Variants in NEBL observed in about 807,000 individuals in gnomAD.
NEBL encodes LIM and SH3 protein 2.
Under a neutral mutation model 140.2 loss-of-function variants are expected in NEBL, and 122 were observed. That is an observed-to-expected ratio of 0.87 (90% CI 0.75 to 1.01). The LOEUF is 1.01. Ranked by LOEUF, NEBL falls within the 50% of genes least tolerant of loss-of-function variation. NEBL has a pLI of 0.00. For synonymous variants in NEBL, 436 were observed against 398.9 expected (o/e 1.09, Z -1.11); for missense variants, 1,365 against 1,231.3 (o/e 1.11, Z -1.62).
intron 3 of NEBL, among the ~76,000 whole-genome samples, chr10:21,018,373 T>G (rs2131763653): frequency 6.6e-6 from 1 of 152,252 alleles, no homozygotes; most frequent in African/African-American, 2.4e-5. Context: ...AAAGGCACAT[T>G]GGATATGCAC....
chr10:20,911,633 T>C (rs774351046), intron 4 of NEBL, among the ~76,000 whole-genome samples: 2 of 152,152 alleles, frequency 1.3e-5, no homozygotes, highest in Non-Finnish European at 2.9e-5. Flanking sequence ...CAAGTACATA[T>C]AAATAAGAAA....
chr10:21,260,638 C>A (rs968478317), intron 1 of NEBL, among the ~76,000 whole-genome samples: 1 of 152,122 alleles, frequency 6.6e-6, no homozygotes, highest in African/African-American at 2.4e-5. Context: ...TCCGTTAAAA[C>A]CCATGATGAA....
intron 2 of NEBL, among the ~76,000 whole-genome samples, chr10:21,063,675 C>T (rs2131885589): frequency 6.6e-6 from 1 of 152,154 alleles, no homozygotes; most frequent in African/African-American, 2.4e-5. Context: ...AGGCAGATCT[C>T]TTGAGTTGAG....
chr10:21,121,065 C>T (rs1227923204), intron 2 of NEBL, among the ~76,000 whole-genome samples: 1 of 152,122 alleles, frequency 6.6e-6, no homozygotes, highest in Non-Finnish European at 1.5e-5. Context: ...AACATTGGTC[C>T]TGACTGAAAA....
chr10:21,251,601 A>G (rs910289507), intron 2 of NEBL, among the ~76,000 whole-genome samples: 4 of 152,122 alleles, frequency 2.6e-5, no homozygotes, highest in Admixed American at 6.6e-5. Flanking sequence ...TCTTCTCCCA[A>G]TTCCCCAAAA....
chr10:21,015,808 C>G (rs1303018257), intron 3 of NEBL, among the ~76,000 whole-genome samples: 1 of 152,172 alleles, frequency 6.6e-6, no homozygotes, highest in Non-Finnish European at 1.5e-5. Context: ...CCACAGCACC[C>G]GGCTAGAAAT....
In NEBL at chr10:21,249,013, G is replaced by T. The variant is rs571081946; in HGVS notation, n.280-1024C>A. On this transcript the variant is annotated intron_variant and non_coding_transcript_variant, in intron 2 of 8. Coordinates refer to the NEBL transcript ENST00000675702. The stretch of plus-strand genomic sequence containing the variant: ...TATTTAAGTCCTTTGCTCATTTTTG[G>T]GTGTTTTTGTTTTTGTTTTTGTTTT... Among the ~76,000 whole-genome samples the T allele has an allele frequency of 6.8e-5, 10 of 146,050 alleles. No individual in the cohort carries two copies. In the East Asian group the frequency reaches 1.9e-3, roughly 28 times the overall value.
chr10:20,843,520 T>C (rs1476235633), intron 12 of NEBL, among the ~76,000 whole-genome samples: 1 of 149,252 alleles, frequency 6.7e-6, no homozygotes, highest in Non-Finnish European at 1.5e-5. Context: ...GCCATTTGTA[T>C]ATAAGTGATT....
chr10:21,276,251 C>A (rs1026038377), intron 1 of NEBL, among the ~76,000 whole-genome samples: 3 of 151,808 alleles, frequency 2.0e-5, no homozygotes, highest in Non-Finnish European at 4.4e-5. Flanking sequence ...GGATTACAGG[C>A]GTGAGCCACC....
chr10:21,053,306 T>G (rs1415957891), intron 2 of NEBL, among the ~76,000 whole-genome samples: 1 of 152,160 alleles, frequency 6.6e-6, no homozygotes, highest in African/African-American at 2.4e-5. Context: ...TTAAGCAGAC[T>G]TCTTGGCTAT....
chr10:21,057,927 T>C (rs563938426), intron 2 of NEBL, among the ~76,000 whole-genome samples: 6 of 152,230 alleles, frequency 3.9e-5, no homozygotes, highest in African/African-American at 9.6e-5. Flanking sequence ...CCGAATTTCA[T>C]CAGTAAATCA....
chr10:21,045,579 G>A (rs893931022), intron 2 of NEBL, among the ~76,000 whole-genome samples: 1 of 152,052 alleles, frequency 6.6e-6, no homozygotes, highest in African/African-American at 2.4e-5. Context: ...GACATTTCTC[G>A]AAAGAAGACA....
chr10:20,808,347 T>C (rs1837799418), intron 26 of NEBL, among the ~76,000 whole-genome samples, 163 bp downstream of exon 26: 1 of 151,142 alleles, frequency 6.6e-6, no homozygotes, highest in Non-Finnish European at 1.5e-5. Context: ...GGGTTTTTTC[T>C]TTAAAAAAAA....
chr10:21,290,051 T>C (rs1392308155), intron 1 of NEBL, among the ~76,000 whole-genome samples: 1 of 152,234 alleles, frequency 6.6e-6, no homozygotes, highest in Non-Finnish European at 1.5e-5. Flanking sequence ...TATGGGTGTT[T>C]TATAAATCCA....
At chr10:20,906,505 A>G in intron 4 of NEBL, among the ~76,000 whole-genome samples, 1 of 152,218 alleles carries the variant, frequency 6.6e-6, no homozygotes, top group South Asian at 2.1e-4. Flanking sequence ...ATTAAAGTAA[A>G]TATATCATTA....
chr10:20,979,277 A>T (rs2131659042), intron 3 of NEBL, among the ~76,000 whole-genome samples: 1 of 152,220 alleles, frequency 6.6e-6, no homozygotes, highest in East Asian at 1.9e-4. Context: ...GATAATACAC[A>T]TATAAGATTG....
chr10:21,060,324 GA>G (rs1835217929), intron 2 of NEBL, among the ~76,000 whole-genome samples: 1 of 152,066 alleles, frequency 6.6e-6, no homozygotes, highest in Non-Finnish European at 1.5e-5. Flanking sequence ...CAAAACAAAA[GA>G]GGGGGTTTCA....
intron 2 of NEBL, among the ~76,000 whole-genome samples, chr10:21,077,082 AAT>A (rs1224213030): frequency 3.3e-5 from 5 of 152,214 alleles, no homozygotes; most frequent in Non-Finnish European, 7.3e-5. Context: ...ACAATTTAAA[AAT>A]ATGTTTAAAA....
chr10:21,197,930 T>C (rs534721120), intron 3 of NEBL, among the ~76,000 whole-genome samples: 1 of 152,208 alleles, frequency 6.6e-6, no homozygotes, highest in East Asian at 1.9e-4. Context: ...CCCTCCATGA[T>C]TCCCTTAAGA....
Sources: gnomAD v4.1 joint callset for allele counts (sites outside exome capture counted in the v4.1 genomes callset) on GRCh38, gnomAD v4.1.1 for gene constraint, MANE v1.5 for transcripts, NCBI Gene and HGNC (gene_info 2026-07-23, HGNC 2026-07-21) for gene names.